ZC2HC1C: variants seen among roughly 807,000 people sequenced by gnomAD.
ZC2HC1C encodes zinc finger C2HC domain-containing protein 1C.
In ZC2HC1C, 25 loss-of-function variants were observed where a neutral mutation model predicts 39.2. The ratio of observed to expected loss-of-function variants is 0.64; its 90% CI spans 0.47 to 0.89. The LOEUF is 0.89. Among genes scored for constraint, ZC2HC1C ranks in the 40% least tolerant of loss-of-function variants. ZC2HC1C has a pLI of 0.00. For synonymous variants in ZC2HC1C, 209 were observed against 214.4 expected (o/e 0.97, Z 0.22); for missense variants, 519 against 548.6 (o/e 0.95, Z 0.54).
chr14:75,070,847 A>G lies in ZC2HC1C; in HGVS notation c.274A>G (p.Ser92Gly). The stretch of plus-strand genomic sequence containing the variant: ...CTCCTATCCCCACTGTACTGGAATC[A>G]GCCAGCAAGATCCAGAAAGTGATTC... Reference protein sequence around the residue: ...SYSYPHCTGISQQDPESDSQG... With the variant: ...SYSYPHCTGIGQQDPESDSQG... The change falls in exon 2 of 3, where the codon AGC becomes GGC. Residue 92 changes from serine (S) to glycine (G), a missense_variant. Ser to Gly is a moderately conservative substitution (Grantham distance 56). Transcript: ENST00000524913. 6.2e-7 allele frequency: 1 copy of G among 1,614,266 alleles called. No homozygotes were observed. The highest frequency in any genetic ancestry group is 8.5e-7 in the Non-Finnish European group (1 of 1,180,048).
intron 2 of ZC2HC1C, among the ~76,000 whole-genome samples, chr14:75,076,127 C>T (rs1451510459): frequency 6.6e-6 from 1 of 152,124 alleles, no homozygotes; most frequent in African/African-American, 2.4e-5. Flanking sequence ...TTCTCTGTTC[C>T]TTCTGCAACT....
Position 75,071,231 on chromosome 14 carries a change from G to A in ZC2HC1C, c.658G>A (p.Gly220Arg), listed in dbSNP as rs754366785. ...GCAGATCCGAAGACTAGAAGCTGCA[G>A]GGGAGAGCTTAGAGGAGGAAATCCG... ...WVQIRRLEAA[G>R]ESLEEEIRRK... Residue 220 changes from glycine (G) to arginine (R), a missense_variant, in exon 2 of 3, where the codon GGG (glycine) becomes AGG (arginine). Transcript: ENST00000524913. The A allele has an allele frequency of 6.2e-7, 1 of 1,614,184 alleles. No homozygotes were observed. The highest frequency in any genetic ancestry group is 2.2e-5 in the East Asian group (1 of 44,880).
At position 75,077,560 on chromosome 14, in the gene ZC2HC1C, G is replaced by T. The variant is rs775367837; in HGVS notation, c.1367G>T (p.Arg456Ile). 3.7e-6 allele frequency: 6 copies of T among 1,614,072 alleles called. No individual in the cohort carries two copies. In the African/African-American group the frequency reaches 8.0e-5, roughly 22 times the overall value. ...GAACCTCCTCAGAAGAGCAACTGGA[G>T]ATAGAAGCATGAATCTTTTATCCAT... ...KAEPPQKSNW[R>I] is the part of the protein sequence containing the mutation. The change falls in exon 3 of 3, where the codon AGA becomes ATA. Residue 456 changes from arginine to isoleucine, a missense_variant. Coordinates refer to ENST00000524913, the MANE Select transcript of ZC2HC1C (RefSeq NM_024643.4).
At chr14:75,074,267 G>A (rs1893562045) in intron 2 of ZC2HC1C, among the ~76,000 whole-genome samples, 1 of 152,148 alleles carries the variant, frequency 6.6e-6, no homozygotes, top group South Asian at 2.1e-4. Context: ...CTTCTTGTCT[G>A]TTTTGGCAAG....
At chr14:75,073,735 T>C in intron 2 of ZC2HC1C, 1 of 719,424 alleles carries the variant, frequency 1.4e-6, no homozygotes, top group East Asian at 6.6e-5. Flanking sequence ...AGGGAACATA[T>C]TTTGTGCTTT....
intron 1 of ZC2HC1C, chr14:75,070,094 GC>G (rs1434938497): frequency 1.3e-5 from 2 of 159,152 alleles, no homozygotes; most frequent in Non-Finnish European, 2.8e-5. Flanking sequence ...AGTTCTTTGT[GC>G]CAGTCACTAC....
intron 2 of ZC2HC1C, chr14:75,073,433 G>A: frequency 2.4e-6 from 1 of 421,642 alleles, no homozygotes; most frequent in African/African-American, 2.1e-5. Context: ...AAAATAATTA[G>A]GTTCCTGAGA....
chr14:75,069,712 G>C lies in ZC2HC1C; in HGVS notation c.-57G>C, dbSNP rs1355436876. On this transcript the variant is annotated 5_prime_UTR_variant, in exon 1 of 3. Coordinates refer to ENST00000524913, the MANE Select transcript of ZC2HC1C (RefSeq NM_024643.4). ...TCAGGTCTGGGAAACTAGGCCCTGGGGTTTTCCCTGAGCAGGAGCGGTGCC... is the reference window on the plus strand; with the variant it reads ...TCAGGTCTGGGAAACTAGGCCCTGGCGTTTTCCCTGAGCAGGAGCGGTGCC... The C allele has an allele frequency of 6.2e-6, 1 of 160,954 alleles. No homozygotes were observed. Among genetic ancestry groups the C allele is most frequent in the Non-Finnish European group, 1.3e-5 (1 of 74,114 alleles). The allele number at this position is 160,954 out of a possible 1,614,324, so 10.0% of individuals were successfully genotyped here.
At position 75,069,744 on chromosome 14, in the gene ZC2HC1C, C is replaced by A. The variant is rs1223452413; in HGVS notation, c.-25C>A. On this transcript the variant is annotated 5_prime_UTR_variant, in exon 1 of 3. Transcript: ENST00000524913. ...CCTGAGCAGGAGCGGTGCCCGAGGG[C>A]CTCAGGTACGCAGAAGGGCGGGGAG... The A allele has an allele frequency of 1.3e-5, 2 of 155,794 alleles. No homozygotes were observed. Among genetic ancestry groups the A allele is most frequent in the South Asian group, 2.0e-4 (1 of 4,998 alleles). 9.7% of individuals were successfully genotyped at this position (155,794 alleles called of 1,614,324 possible).
chr14:75,077,729 G>T lies in ZC2HC1C; in HGVS notation c.*165G>T. On this transcript the variant is annotated 3_prime_UTR_variant, in exon 3 of 3. Transcript: ENST00000524913. Reference sequence around the variant, plus strand: ...ACCACTTTGCTCCCAAGGTGGCTGAGCAACACATTCCCAAGTGTAAGACCA... The same window carrying T: ...ACCACTTTGCTCCCAAGGTGGCTGATCAACACATTCCCAAGTGTAAGACCA... 1 of 723,648 alleles carries T rather than the reference G, an allele frequency of 1.4e-6. No individual in the cohort carries two copies. The highest frequency in any genetic ancestry group is 2.3e-6 in the Non-Finnish European group (1 of 429,880). 44.8% of individuals were successfully genotyped at this position (723,648 alleles called of 1,614,324 possible).
Position 75,071,379 on chromosome 14 carries a change from C to T in ZC2HC1C, c.806C>T (p.Pro269Leu). Residue 269 changes from proline (P) to leucine (L), a missense_variant, in exon 2 of 3, where the codon CCC becomes CTC. Pro to Leu is a moderately conservative substitution (Grantham distance 98, BLOSUM62 -3). Coordinates refer to ENST00000524913, the MANE Select transcript of ZC2HC1C (RefSeq NM_024643.4). ...ENGELQKIILPRSRVKGNKSN... is the reference protein window; with the variant it reads ...ENGELQKIILLRSRVKGNKSN... ...GGAGAGCTACAGAAAATTATACTCC[C>T]CAGGAGCAGAGTTAAAGGTAATAAA... The T allele has an allele frequency of 6.2e-7, 1 of 1,614,046 alleles. No individual in the cohort carries two copies. Among genetic ancestry groups the T allele is most frequent in the Admixed American group, 1.7e-5 (1 of 60,000 alleles).
chr14:75,073,579 C>T, intron 2 of ZC2HC1C: 1 of 1,289,306 alleles, frequency 7.8e-7, no homozygotes, highest in Non-Finnish European at 1.0e-6. Flanking sequence ...AGTGCTGTGC[C>T]TTTGGAAGCT....
chr14:75,070,689 A>G lies in ZC2HC1C; in HGVS notation c.116A>G (p.Asp39Gly). Residue 39 changes from aspartate (D) to glycine (G), a missense_variant, in exon 2 of 3, where the codon GAC (aspartate) becomes GGC (glycine). Transcript: ENST00000524913. ...AAGCAAGACTCTTACGAACAAGGTG[A>G]CTCTTCCCAGCAGTCCTTGAAGGGG... ...SAKQDSYEQG[D>G]SSQQSLKGHL... 1 of 1,613,956 alleles carries G rather than the reference A, an allele frequency of 6.2e-7. No homozygotes were observed. Among genetic ancestry groups the G allele is most frequent in the Non-Finnish European group, 8.5e-7 (1 of 1,179,980 alleles).
At chr14:75,074,543 T>G (rs1425558892) in intron 2 of ZC2HC1C, among the ~76,000 whole-genome samples, 1 of 152,144 alleles carries the variant, frequency 6.6e-6, no homozygotes, top group African/African-American at 2.4e-5. Context: ...TTTTCTTGAT[T>G]TATCAATTTT....
intron 2 of ZC2HC1C, among the ~76,000 whole-genome samples, chr14:75,076,547 C>T (rs1042407238): frequency 3.9e-5 from 6 of 152,166 alleles, no homozygotes; most frequent in African/African-American, 7.2e-5. Flanking sequence ...GGATTACAGG[C>T]GTGAGCCATC....
Position 75,071,513 on chromosome 14 carries a change from G to T in ZC2HC1C, c.940G>T (p.Gly314Cys), listed in dbSNP as rs762217986. The T allele has an allele frequency of 6.2e-7, 1 of 1,614,008 alleles. No homozygotes were observed. The highest frequency in any genetic ancestry group is 1.3e-5 in the African/African-American group (1 of 74,906). Residue 314 changes from glycine (G) to cysteine (C), a missense_variant, in exon 2 of 3, where the codon GGT becomes TGT. Coordinates refer to ENST00000524913, the MANE Select transcript of ZC2HC1C (RefSeq NM_024643.4). ...TTGGGGACGGTCTCAACAAAATTCAGGTCCATTCCAGTTCTCTGATTATAG... is the reference window on the plus strand; with the variant it reads ...TTGGGGACGGTCTCAACAAAATTCATGTCCATTCCAGTTCTCTGATTATAG... ...ETWGRSQQNS[G>C]PFQFSDYRIQ...
rs745465567 is a variant in ZC2HC1C, at chr14:75,079,036, T to A, written c.*1472T>A. ...AGCACAACAGATAGAAATCTTAGGA[T>A]TACTGTTCTGTATTACTCAAATTGT... On this transcript the variant is annotated 3_prime_UTR_variant, in exon 3 of 3. Transcript: ENST00000524913. The A allele has an allele frequency of 1.4e-4, 21 of 152,032 alleles. No individual in the cohort carries two copies. Among genetic ancestry groups the A allele is most frequent in the Non-Finnish European group, 2.6e-4 (18 of 67,996 alleles). The allele number at this position is 152,032 out of a possible 1,614,324, so 9.4% of individuals were successfully genotyped here.
intron 2 of ZC2HC1C, among the ~76,000 whole-genome samples, chr14:75,076,105 TCTC>T (rs1454460283): frequency 6.6e-6 from 1 of 152,116 alleles, no homozygotes; most frequent in Admixed American, 6.6e-5. Flanking sequence ...ACAATAATTT[TCTC>T]CTCGTGCTTT....
chr14:75,070,890 GT>G lies in ZC2HC1C; in HGVS notation c.320del (p.Leu107CysfsTer35), dbSNP rs774393236. On this transcript the variant is annotated frameshift_variant, in exon 2 of 3. Transcript: ENST00000524913. LOFTEE classifies it high-confidence loss of function. ...PESDSQGQGN[G>X]LFYSSGPQSW... ...AGTGATTCCCAGGGCCAAGGAAATG[GT>G]TTGTTTTACTCGTCAGGCCCTCAAT... is the stretch of plus-strand genomic sequence containing the variant. 6.2e-7 allele frequency: 1 copy of G among 1,614,190 alleles called. No individual in the cohort carries two copies. The highest frequency in any genetic ancestry group is 8.5e-7 in the Non-Finnish European group (1 of 1,180,044).
Sources: gnomAD v4.1 joint callset for allele counts (sites outside exome capture counted in the v4.1 genomes callset) on GRCh38, gnomAD v4.1.1 for gene constraint, MANE v1.5 for transcripts, NCBI Gene and HGNC (gene_info 2026-07-23, HGNC 2026-07-21) for gene names.